The following GRIK4 variants were observed in gnomAD, a reference collection of about 807,000 sequenced individuals.
The protein encoded by GRIK4 is glutamate receptor ionotropic, kainate 4.
In GRIK4, 40 loss-of-function variants were observed where a neutral mutation model predicts 104.9. The ratio of observed to expected loss-of-function variants is 0.38; its 90% CI spans 0.30 to 0.50. The LOEUF is 0.50. Among genes scored for constraint, GRIK4 ranks in the 20% least tolerant of loss-of-function variants. The pLI, the probability that GRIK4 is intolerant of heterozygous loss-of-function variation, is 0.93. For missense variants in GRIK4, 1,047 were observed against 1,308.1 expected (o/e 0.80, Z 3.08); for synonymous variants, 485 against 524.9 (o/e 0.92, Z 1.04).
intron 1 of GRIK4, among the ~76,000 whole-genome samples, chr11:120,619,251 A>G (rs1949154609): frequency 6.6e-6 from 1 of 152,218 alleles, no homozygotes; most frequent in Non-Finnish European, 1.5e-5. Context: ...TGGGAGCTAT[A>G]GTCCCTTTCT....
intron 1 of GRIK4, among the ~76,000 whole-genome samples, chr11:120,517,749 T>C (rs1255539660): frequency 2.6e-5 from 4 of 151,994 alleles, no homozygotes; most frequent in African/African-American, 9.7e-5. Flanking sequence ...GTGATAGTCC[T>C]GTGAAGGCCC....
rs78540804 is a variant in GRIK4, at chr11:120,791,503, T to C, written c.83-11190T>C. 8.3e-4 allele frequency among the ~76,000 whole-genome samples: 126 copies of C among 152,368 alleles called. 1 individual carries two copies. In the East Asian group the frequency reaches 0.022, roughly 26 times the overall value. On this transcript the variant is annotated intron_variant, in intron 3 of 20. Transcript: ENST00000527524. ...TTGAAAGTTCTTTACATATTCTGGA[T>C]ACAAGTCCTTTATCCAGCATGTGCT...
At chr11:120,632,922 CA>C (rs1205515735) in intron 1 of GRIK4, among the ~76,000 whole-genome samples, 1 of 152,134 alleles carries the variant, frequency 6.6e-6, no homozygotes, top group African/African-American at 2.4e-5. Context: ...TTGGAGTTCA[CA>C]GGTCGTTTCC....
At position 120,769,602 on chromosome 11, in the gene GRIK4, A is replaced by G. The variant is rs77628851; in HGVS notation, c.83-33091A>G. Among the ~76,000 whole-genome samples, 1,050 of 152,368 alleles carry G rather than the reference A, an allele frequency of 6.9e-3. 12 individuals carry two copies. Among genetic ancestry groups the G allele is most frequent in the African/African-American group, 0.024 (1,012 of 41,588 alleles). On this transcript the variant is annotated intron_variant, in intron 3 of 20. Transcript: ENST00000527524. ...GACCACATCAAACAAAGACATGCAC[A>G]CACATACAAACAAAAAACAGGTGGC...
chr11:120,898,605 T>C lies in GRIK4; in HGVS notation c.1238T>C (p.Leu413Pro). The change falls in exon 12 of 21, where the codon CTC becomes CCC. Residue 413 changes from leucine (L) to proline (P), a missense_variant. This residue lies in a region of GRIK4 where 440 missense variants were observed against 652.3 expected (regional missense o/e 0.67). Coordinates refer to ENST00000527524, the MANE Select transcript of GRIK4 (RefSeq NM_014619.5). The part of the protein sequence containing the change: ...HLYASNISDT[L>P]FNTTLVVTTI... Reference sequence around the variant, plus strand: ...TATGCCTCCAACATCTCGGACACTCTCTTCAACACCACCCTGGTCGTCACC... The same window carrying C: ...TATGCCTCCAACATCTCGGACACTCCCTTCAACACCACCCTGGTCGTCACC... 6.2e-7 allele frequency: 1 copy of C among 1,611,316 alleles called. No individual in the cohort carries two copies. The highest frequency in any genetic ancestry group is 2.2e-5 in the East Asian group (1 of 44,864).
chr11:120,983,938 A>G (rs1007442727), intron 20 of GRIK4, among the ~76,000 whole-genome samples: 1 of 152,204 alleles, frequency 6.6e-6, no homozygotes, highest in Non-Finnish European at 1.5e-5. Context: ...TATTGTAGTT[A>G]TCACTAGAAG....
intron 13 of GRIK4, among the ~76,000 whole-genome samples, chr11:120,922,419 C>G (rs1173102857): frequency 1.3e-5 from 2 of 152,200 alleles, no homozygotes; most frequent in African/African-American, 2.4e-5. Context: ...TGCTCCCTGC[C>G]CTACCCCACA....
chr11:120,696,541 G>C (rs568872581), intron 3 of GRIK4, among the ~76,000 whole-genome samples: 2 of 151,440 alleles, frequency 1.3e-5, no homozygotes, highest in African/African-American at 2.4e-5. Flanking sequence ...CAAGGTGAGA[G>C]AGCTGGGGTT....
At chr11:120,846,673 G>T (rs902421793) in intron 8 of GRIK4, among the ~76,000 whole-genome samples, 4 of 152,152 alleles carry the variant, frequency 2.6e-5, no homozygotes, top group Admixed American at 2.0e-4. Context: ...GGCGTCAGTA[G>T]GCCCAGGGTC....
At chr11:120,909,237 A>G (rs967247742) in intron 13 of GRIK4, among the ~76,000 whole-genome samples, 2 of 152,258 alleles carry the variant, frequency 1.3e-5, no homozygotes, top group African/African-American at 2.4e-5. Context: ...ATTGGTAACA[A>G]TGTGGGGAAA....
At chr11:120,887,351 CAA>C (rs1466079391) in intron 11 of GRIK4, among the ~76,000 whole-genome samples, 1 of 152,168 alleles carries the variant, frequency 6.6e-6, no homozygotes, top group African/African-American at 2.4e-5. Flanking sequence ...ACTGCTCAGA[CAA>C]GAGTTGCTGA....
At position 120,677,675 on chromosome 11, in the gene GRIK4, G is replaced by C. The variant is rs191455051; in HGVS notation, c.82+17275G>C. On this transcript the variant is annotated intron_variant, in intron 3 of 20. Coordinates refer to ENST00000527524, the MANE Select transcript of GRIK4 (RefSeq NM_014619.5). The stretch of plus-strand genomic sequence containing the variant: ...GAAATAAGGAAGTATTAAGTGCTGA[G>C]ACATCAGCTCTGGAGTTAGGCAGTG... Among the ~76,000 whole-genome samples, 387 of 152,346 alleles carry C rather than the reference G, an allele frequency of 2.5e-3. 1 individual carries two copies. Among genetic ancestry groups the C allele is most frequent in the Non-Finnish European group, 3.7e-3 (250 of 68,024 alleles).
At chr11:120,702,423 G>A (rs1273575730) in intron 3 of GRIK4, among the ~76,000 whole-genome samples, 1 of 152,210 alleles carries the variant, frequency 6.6e-6, no homozygotes, top group Non-Finnish European at 1.5e-5. Flanking sequence ...CAGCTAGAAT[G>A]TGAGTCTAGA....
At chr11:120,614,385 A>G (rs1949078402) in intron 1 of GRIK4, among the ~76,000 whole-genome samples, 1 of 152,228 alleles carries the variant, frequency 6.6e-6, no homozygotes, top group African/African-American at 2.4e-5. Context: ...TATGGCCACT[A>G]GCTAGGGTCT....
chr11:120,808,639 C>T (rs907598636), intron 4 of GRIK4, among the ~76,000 whole-genome samples: 4 of 152,202 alleles, frequency 2.6e-5, no homozygotes, highest in Non-Finnish European at 5.9e-5. Flanking sequence ...TCCATTTAGT[C>T]CCCTGTCTAC....
At chr11:120,735,480 G>T (rs570910279) in intron 3 of GRIK4, among the ~76,000 whole-genome samples, 18 of 152,232 alleles carry the variant, frequency 1.2e-4, no homozygotes, top group African/African-American at 3.6e-4. Context: ...AATTGCCCTG[G>T]GTCATGCCTG....
intron 1 of GRIK4, among the ~76,000 whole-genome samples, chr11:120,651,926 T>C (rs1200618242): frequency 1.3e-5 from 2 of 152,168 alleles, no homozygotes; most frequent in Non-Finnish European, 2.9e-5. Context: ...CTACATTTTC[T>C]CAAGTGCCAA....
chr11:120,688,153 A>C (rs940087628), intron 3 of GRIK4, among the ~76,000 whole-genome samples: 1 of 152,144 alleles, frequency 6.6e-6, no homozygotes, highest in Admixed American at 6.5e-5. Context: ...GTGATTACAG[A>C]ATATCAGCTC....
intron 1 of GRIK4, among the ~76,000 whole-genome samples, chr11:120,594,444 T>C (rs1948774577): frequency 6.6e-6 from 1 of 152,214 alleles, no homozygotes; most frequent in East Asian, 1.9e-4. Context: ...ACCGTTGCAC[T>C]TCAGCCTGGG....
Sources: allele counts gnomAD v4.1 joint callset (sites outside exome capture counted in the v4.1 genomes callset), GRCh38; gene constraint gnomAD v4.1.1; regional missense constraint gnomAD v4.1.1; transcripts MANE v1.5; gene names NCBI Gene and HGNC (gene_info 2026-07-23, HGNC 2026-07-21).